Variants in RABGAP1L observed in about 807,000 individuals in gnomAD.
RABGAP1L encodes the protein RAB GTPase activating protein 1 like.
In RABGAP1L, 63 loss-of-function variants were observed where a neutral mutation model predicts 137.7. The ratio of observed to expected loss-of-function variants is 0.46; its 90% CI spans 0.37 to 0.56. The LOEUF (loss-of-function observed/expected upper bound fraction) is 0.56. Among genes scored for constraint, RABGAP1L ranks in the 20% least tolerant of loss-of-function variants. RABGAP1L has a pLI of 0.00. For missense variants in RABGAP1L, 1,095 were observed against 1,244.0 expected (o/e 0.88, Z 1.80); for synonymous variants, 431 against 433.7 (o/e 0.99, Z 0.08).
chr1:174,810,969 G>T (rs1327363532), intron 18 of RABGAP1L, among the ~76,000 whole-genome samples: 8 of 151,956 alleles, frequency 5.3e-5, no homozygotes, highest in Non-Finnish European at 8.8e-5. Flanking sequence ...GGGTGTGGTG[G>T]TGTGTGCCTG....
intron 13 of RABGAP1L, among the ~76,000 whole-genome samples, chr1:174,552,694 A>C (rs981814965): frequency 6.6e-6 from 1 of 152,186 alleles, no homozygotes; most frequent in South Asian, 2.1e-4. Flanking sequence ...ATATGCGTGC[A>C]TGCGTCTTTA....
chr1:174,920,271 A>G (rs571007555), intron 19 of RABGAP1L, among the ~76,000 whole-genome samples: 2 of 152,306 alleles, frequency 1.3e-5, no homozygotes, highest in Admixed American at 6.5e-5. Context: ...AAGCCTCACA[A>G]TCGTGGCAGA....
rs73040894 is a variant in RABGAP1L at position 174,503,987 on chromosome 1, T to A, written c.1710+109842T>A. 5.3e-3 allele frequency among the ~76,000 whole-genome samples: 800 copies of A among 151,916 alleles called. 10 individuals carry two copies. Among genetic ancestry groups the A allele is most frequent in the African/African-American group, 0.018 (756 of 41,498 alleles). ...TCTTTTTTTTTTCTTTTCTTTTTTT[T>A]TTTGTGACAAGGTCTGGCTCTGTTA... is the stretch of plus-strand genomic sequence containing the variant. On this transcript the variant is annotated intron_variant, in intron 13 of 25. Transcript: ENST00000681986.
intron 13 of RABGAP1L, among the ~76,000 whole-genome samples, chr1:174,442,241 G>A (rs1654240037): frequency 9.9e-6 from 1 of 101,354 alleles, no homozygotes; most frequent in South Asian, 2.9e-4. Context: ...TATTTTTCTT[G>A]TACTAGAGAA....
At chr1:174,775,166 G>A (rs972192374) in intron 18 of RABGAP1L, among the ~76,000 whole-genome samples, 5 of 152,152 alleles carry the variant, frequency 3.3e-5, no homozygotes, top group Non-Finnish European at 7.3e-5. Context: ...TAGTGAGGAA[G>A]TTGCATACAT....
In RABGAP1L at chr1:174,911,074, T is replaced by C. The variant is rs1659975422; in HGVS notation, c.2341-46383T>C. Among the ~76,000 whole-genome samples the C allele has an allele frequency of 2.0e-5, 3 of 152,348 alleles. No homozygotes were observed. The South Asian group carries it at 6.2e-4, about 32-fold the overall frequency. ...TATGTTGAGTATCTTTTCTCGTGCTTATTAGCCATTTGTATATCTTCTTTG... is the reference window on the plus strand; with the variant it reads ...TATGTTGAGTATCTTTTCTCGTGCTCATTAGCCATTTGTATATCTTCTTTG... On this transcript the variant is annotated intron_variant, in intron 19 of 25. Coordinates refer to ENST00000681986, the MANE Select transcript of RABGAP1L (RefSeq NM_001366446.1).
At chr1:174,189,892 C>G (rs1558016057) in intron 1 of RABGAP1L, among the ~76,000 whole-genome samples, 1 of 152,144 alleles carries the variant, frequency 6.6e-6, no homozygotes, top group South Asian at 2.1e-4. Context: ...GAATGAGACT[C>G]TGTCTCCAAA....
intron 19 of RABGAP1L, among the ~76,000 whole-genome samples, chr1:174,834,633 C>G (rs1692545015): frequency 8.1e-6 from 1 of 123,986 alleles, no homozygotes; most frequent in South Asian, 2.8e-4. Context: ...TTAACCTGTT[C>G]TTCCCACAGA....
intron 18 of RABGAP1L, among the ~76,000 whole-genome samples, chr1:174,811,018 C>T (rs1278444219): frequency 3.3e-5 from 5 of 152,080 alleles, no homozygotes; most frequent in Non-Finnish European, 2.9e-5. Flanking sequence ...GGGAGGATCA[C>T]TTGAGCCTGG....
At chr1:174,271,414 T>C (rs1020750291) in intron 7 of RABGAP1L, among the ~76,000 whole-genome samples, 6 of 152,158 alleles carry the variant, frequency 3.9e-5, no homozygotes, top group Non-Finnish European at 8.8e-5. Flanking sequence ...TATTTTGAAA[T>C]TGAAAAAATC....
intron 13 of RABGAP1L, among the ~76,000 whole-genome samples, chr1:174,623,766 T>C (rs1209965145): frequency 6.6e-6 from 1 of 152,150 alleles, no homozygotes; most frequent in Non-Finnish European, 1.5e-5. Context: ...AAAGTCTTAG[T>C]CATAAATAAC....
rs540499106 is a variant in RABGAP1L at position 174,651,511 on chromosome 1, G to T, written c.1824+14023G>T. Among the ~76,000 whole-genome samples, 34 of 152,262 alleles carry T rather than the reference G, an allele frequency of 2.2e-4. No homozygotes were observed. The East Asian group carries it at 3.9e-3, about 17-fold the overall frequency. On this transcript the variant is annotated intron_variant, in intron 14 of 25. Transcript: ENST00000681986. ...CACTCAGGACTTGCTTTATGAATCTGGGTGCTCCTGTATTGGGTGCATATA... is the reference window on the plus strand; with the variant it reads ...CACTCAGGACTTGCTTTATGAATCTTGGTGCTCCTGTATTGGGTGCATATA...
chr1:174,913,217 C>T (rs926687560), intron 19 of RABGAP1L, among the ~76,000 whole-genome samples: 3 of 152,178 alleles, frequency 2.0e-5, no homozygotes, highest in Admixed American at 6.5e-5. Flanking sequence ...CTCAAGTGAT[C>T]TGCCCACCTT....
chr1:174,181,506 T>G (rs894205675), intron 1 of RABGAP1L, among the ~76,000 whole-genome samples: 2 of 151,878 alleles, frequency 1.3e-5, no homozygotes, highest in East Asian at 3.9e-4. Flanking sequence ...CCCAGCTCAT[T>G]TTTTGTATTT....
chr1:174,354,278 T>G (rs1276914077), intron 11 of RABGAP1L, among the ~76,000 whole-genome samples: 2 of 151,762 alleles, frequency 1.3e-5, no homozygotes, highest in Non-Finnish European at 2.9e-5. Context: ...TTAATTTTAT[T>G]AATTAATTAA....
At chr1:174,217,806 A>C (rs1367919922) in intron 1 of RABGAP1L, among the ~76,000 whole-genome samples, 1 of 152,060 alleles carries the variant, frequency 6.6e-6, no homozygotes, top group Non-Finnish European at 1.5e-5. Context: ...ATTTTTTATA[A>C]AGTTGGAAAG....
intron 24 of RABGAP1L, among the ~76,000 whole-genome samples, chr1:174,983,332 G>A (rs1312689894): frequency 6.6e-6 from 1 of 152,152 alleles, no homozygotes; most frequent in Non-Finnish European, 1.5e-5. Flanking sequence ...AAAAACATGT[G>A]TTGGGTAACT....
intron 19 of RABGAP1L, among the ~76,000 whole-genome samples, chr1:174,950,352 A>T (rs775107294): frequency 6.6e-6 from 1 of 152,182 alleles, no homozygotes; most frequent in East Asian, 1.9e-4. Flanking sequence ...CATGGGGCAA[A>T]ATATCATTGT....
At chr1:174,873,573 G>A (rs933862950) in intron 19 of RABGAP1L, among the ~76,000 whole-genome samples, 3 of 150,440 alleles carry the variant, frequency 2.0e-5, no homozygotes, top group Non-Finnish European at 2.9e-5. Context: ...GAGTGCAGTG[G>A]CACAATCTTG....
Sources: gnomAD v4.1 joint callset for allele counts (sites outside exome capture counted in the v4.1 genomes callset) on GRCh38, gnomAD v4.1.1 for gene constraint, MANE v1.5 for transcripts, NCBI Gene and HGNC (gene_info 2026-07-23, HGNC 2026-07-21) for gene names.